Variants in TMEM132E observed in about 807,000 individuals in gnomAD.
The protein encoded by TMEM132E is transmembrane protein 132E.
A neutral mutation model predicts 78.5 loss-of-function variants in TMEM132E; 49 were observed. The observed-to-expected ratio is 0.62, with a 90% CI of 0.50 to 0.79. TMEM132E has a LOEUF of 0.79. Ranked by LOEUF, TMEM132E falls within the 30% of genes least tolerant of loss-of-function variation. The pLI is 0.00. For synonymous variants in TMEM132E, 715 were observed against 670.6 expected (o/e 1.07, Z -1.02); for missense variants, 1,403 against 1,470.9 (o/e 0.95, Z 0.75).
chr17:34,581,093 CG>C lies in TMEM132E; in HGVS notation c.20del (p.Gly7AlafsTer114). The C allele has an allele frequency of 6.5e-7, 1 of 1,546,510 alleles. No homozygotes were observed. MAPGM[S>X]GRGGAALLCL... ...GCCTCGGCCATGGCCCCGGGGATGT[CG>C]GGCCGCGGCGGCGCCGCCCTGCTCT... is the stretch of plus-strand genomic sequence containing the variant. On this transcript the variant is annotated frameshift_variant, in exon 1 of 9. Transcript: ENST00000631683. LOFTEE classifies it high-confidence loss of function.
intron 1 of TMEM132E, among the ~76,000 whole-genome samples, chr17:34,615,218 T>G (rs896920299): frequency 6.6e-6 from 1 of 150,568 alleles, no homozygotes; most frequent in African/African-American, 2.4e-5. Flanking sequence ...CATGGCCACC[T>G]GTCCTTCTAG....
rs773075998 is a variant in TMEM132E, at chr17:34,634,986, G to A, written c.1876G>A (p.Asp626Asn). ...CCCGGACTGGCTGGTGGAGGTCACCGACCTAGTCAGTGACTTCATGCGGGT... is the reference window on the plus strand; with the variant it reads ...CCCGGACTGGCTGGTGGAGGTCACCAACCTAGTCAGTGACTTCATGCGGGT... ...LGPDWLVEVT[D>N]LVSDFMRVGD... is the part of the protein sequence containing the mutation. The change falls in exon 7 of 9, where the codon GAC (aspartate) becomes AAC (asparagine). Residue 626 changes from aspartate to asparagine, a missense_variant. Around this residue, in one of 3 missense-constraint regions of TMEM132E, gnomAD observed 888 missense variants for 952.8 expected, o/e 0.93. Transcript: ENST00000631683. 7 of 1,613,920 alleles carry A rather than the reference G, an allele frequency of 4.3e-6. No homozygotes were observed. The highest frequency in any genetic ancestry group is 2.2e-5 in the East Asian group (1 of 44,888).
intron 1 of TMEM132E, among the ~76,000 whole-genome samples, chr17:34,605,603 C>G (rs1241430715): frequency 6.6e-6 from 1 of 152,176 alleles, no homozygotes; most frequent in Non-Finnish European, 1.5e-5. Context: ...AAGCCCCCCA[C>G]CATCAGCACC....
intron 1 of TMEM132E, among the ~76,000 whole-genome samples, chr17:34,625,385 C>A (rs1448031076): frequency 6.6e-6 from 1 of 152,070 alleles, no homozygotes; most frequent in Admixed American, 6.5e-5. Flanking sequence ...CCTGGGGACC[C>A]TACACCAGCT....
At position 34,588,934 on chromosome 17, in the gene TMEM132E, G is replaced by A. The variant is rs553351904; in HGVS notation, c.67+7791G>A. 2.9e-4 allele frequency among the ~76,000 whole-genome samples: 44 copies of A among 152,122 alleles called. 1 individual carries two copies. In the South Asian group the frequency reaches 9.2e-3, roughly 32 times the overall value. On this transcript the variant is annotated intron_variant, in intron 1 of 8. Coordinates refer to ENST00000631683, the MANE Select transcript of TMEM132E (RefSeq NM_001304438.2). Reference sequence around the variant, plus strand: ...ACACCTGGCTAATTTTTGTGTTTTTGGTAGAGATGGGGTTTCACCATGTTG... The same window carrying A: ...ACACCTGGCTAATTTTTGTGTTTTTAGTAGAGATGGGGTTTCACCATGTTG...
intron 1 of TMEM132E, among the ~76,000 whole-genome samples, chr17:34,605,235 T>C (rs2142062685): frequency 6.6e-6 from 1 of 152,250 alleles, no homozygotes; most frequent in East Asian, 1.9e-4. Context: ...CCTCAGAGCA[T>C]GAATCGTGTA....
At chr17:34,603,766 G>A (rs75124973) in intron 1 of TMEM132E, among the ~76,000 whole-genome samples, 1 of 152,166 alleles carries the variant, frequency 6.6e-6, no homozygotes, top group African/African-American at 2.4e-5. Flanking sequence ...GCCACCCTCA[G>A]TGATATGCCC....
chr17:34,610,078 T>G (rs1203345166), intron 1 of TMEM132E, among the ~76,000 whole-genome samples: 1 of 148,722 alleles, frequency 6.7e-6, no homozygotes, highest in Non-Finnish European at 1.5e-5. Flanking sequence ...ACTACTCAAA[T>G]GACTCCTGCC....
intron 1 of TMEM132E, among the ~76,000 whole-genome samples, chr17:34,613,711 G>T (rs1178702681): frequency 1.3e-5 from 2 of 151,890 alleles, no homozygotes; most frequent in Non-Finnish European, 2.9e-5. Context: ...CTTATTGCGG[G>T]GGTCTCTCTC....
At chr17:34,590,275 T>C (rs1178814086) in intron 1 of TMEM132E, among the ~76,000 whole-genome samples, 1 of 152,262 alleles carries the variant, frequency 6.6e-6, no homozygotes, top group Admixed American at 6.5e-5. Context: ...GAGCTGGCTA[T>C]GGACTCTATT....
chr17:34,628,562 G>A lies in TMEM132E; in HGVS notation c.999-1G>A. On this transcript the variant is annotated splice_acceptor_variant, in intron 2 of 8. Coordinates refer to ENST00000631683, the MANE Select transcript of TMEM132E (RefSeq NM_001304438.2). LOFTEE classifies it high-confidence loss of function. Reference sequence around the variant, plus strand: ...CTCTTCTTCCTCCCACTTTGTCCCAGGGTGAAGGCCAAGAAGGGTGTGACC... The same window carrying A: ...CTCTTCTTCCTCCCACTTTGTCCCAAGGTGAAGGCCAAGAAGGGTGTGACC... 6.2e-7 allele frequency: 1 copy of A among 1,613,832 alleles called. No individual in the cohort carries two copies. The highest frequency in any genetic ancestry group is 1.7e-4 in the Middle Eastern group (1 of 6,060).
intron 5 of TMEM132E, among the ~76,000 whole-genome samples, chr17:34,631,958 C>T (rs1907361511): frequency 6.6e-6 from 1 of 152,210 alleles, no homozygotes; most frequent in African/African-American, 2.4e-5. Flanking sequence ...TGAGTGGGCA[C>T]AGGTATCAAT....
rs1907158028 is a variant in TMEM132E at position 34,626,854 on chromosome 17, G to A, written c.795G>A (p.Gln265=). Residue 265 remains glutamine (Q), a synonymous_variant, in exon 2 of 9, where the codon CAG becomes CAA. Coordinates refer to ENST00000631683, the MANE Select transcript of TMEM132E (RefSeq NM_001304438.2). The part of the protein sequence containing the change: ...GVGARAESPT[Q]HPLLRIGSIS... ...GGGCCCGAGCGGAAAGCCCTACCCA[G>A]CACCCCCTGCTGCGCATCGGGAGCA... 3 of 1,601,180 alleles carry A rather than the reference G, an allele frequency of 1.9e-6. No individual in the cohort carries two copies. The highest frequency in any genetic ancestry group is 8.5e-7 in the Non-Finnish European group (1 of 1,177,454).
At chr17:34,635,212 GT>G in intron 7 of TMEM132E, 125 bp downstream of exon 7, 1 of 1,148,236 alleles carries the variant, frequency 8.7e-7, no homozygotes, top group East Asian at 2.6e-5. Context: ...CCTGCCCCTT[GT>G]CTGAAATTCC....
In TMEM132E at chr17:34,637,289, C is replaced by T. The variant is rs781571817; in HGVS notation, c.2282C>T (p.Ala761Val). ...LLVSSLDEHV[A>V]TVTQDRAFPL... ...GTGAGCAGCCTGGATGAGCATGTGG[C>T]CACTGTGACCCAGGACCGGGCCTTC... Residue 761 changes from alanine (A) to valine (V), a missense_variant, in exon 9 of 9, where the codon GCC becomes GTC. Around this residue, in one of 3 missense-constraint regions of TMEM132E, gnomAD observed 888 missense variants for 952.8 expected, o/e 0.93. Coordinates refer to ENST00000631683, the MANE Select transcript of TMEM132E (RefSeq NM_001304438.2). 1 of 1,614,014 alleles carries T rather than the reference C, an allele frequency of 6.2e-7. No individual in the cohort carries two copies. Among genetic ancestry groups the T allele is most frequent in the African/African-American group, 1.3e-5 (1 of 74,952 alleles).
Position 34,636,920 on chromosome 17 carries a change from CA to C in TMEM132E, c.2170-255del, listed in dbSNP as rs551624848. 6.8e-4 allele frequency among the ~76,000 whole-genome samples: 103 copies of C among 152,262 alleles called. 1 individual carries two copies. In the South Asian group the frequency reaches 0.02, roughly 29 times the overall value. On this transcript the variant is annotated intron_variant, in intron 8 of 8. Transcript: ENST00000631683. The stretch of plus-strand genomic sequence containing the variant: ...ATCCAGGGGAGAAGGGTGAAGTGGA[CA>C]AGGGCATCCTCAGAGCAGTATGAGG...
intron 5 of TMEM132E, among the ~76,000 whole-genome samples, 156 bp from the exon 6 acceptor site, chr17:34,632,548 A>C (rs1907380564): frequency 6.6e-6 from 1 of 152,072 alleles, no homozygotes; most frequent in South Asian, 2.1e-4. Context: ...AGAAGCCAGG[A>C]CTCCCAGAGG....
At chr17:34,619,693 T>G (rs926530034) in intron 1 of TMEM132E, among the ~76,000 whole-genome samples, 5 of 151,676 alleles carry the variant, frequency 3.3e-5, no homozygotes, top group Non-Finnish European at 7.4e-5. Context: ...TAACAATGCC[T>G]GGGGTGCTTC....
chr17:34,631,795 C>T (rs925209452), intron 5 of TMEM132E, among the ~76,000 whole-genome samples: 2 of 152,210 alleles, frequency 1.3e-5, no homozygotes, highest in Admixed American at 6.5e-5. Context: ...TTCCCCCAAA[C>T]TCAAGACCAT....
Sources: gnomAD v4.1 joint callset for allele counts (sites outside exome capture counted in the v4.1 genomes callset) on GRCh38, gnomAD v4.1.1 for gene constraint, gnomAD v4.1.1 regional missense constraint, MANE v1.5 for transcripts, NCBI Gene and HGNC (gene_info 2026-07-23, HGNC 2026-07-21) for gene names.